The following HOMER2 variants were observed in gnomAD, a reference collection of about 807,000 sequenced individuals.
The protein encoded by HOMER2 is homer scaffold protein 2, also known as homer protein homolog 2.
A neutral mutation model predicts 47.0 loss-of-function variants in HOMER2; 27 were observed. That is an observed-to-expected ratio of 0.57 (90% CI 0.42 to 0.79). The LOEUF (loss-of-function observed/expected upper bound fraction) is 0.79. Among genes scored for constraint, HOMER2 ranks in the 30% least tolerant of loss-of-function variants. The pLI is 0.00. For synonymous variants in HOMER2, 161 were observed against 163.8 expected, an observed-to-expected ratio of 0.98 and a Z score of 0.13; for missense variants, 443 against 435.0, an observed-to-expected ratio of 1.02 and a Z score of -0.16.
intron 1 of HOMER2, among the ~76,000 whole-genome samples, chr15:82,980,315 C>T (rs1038702761): frequency 6.6e-6 from 1 of 152,076 alleles, no homozygotes; most frequent in African/African-American, 2.4e-5. Context: ...TCTCAGTCAC[C>T]CCAGGGCCAG....
intron 1 of HOMER2, among the ~76,000 whole-genome samples, chr15:82,948,583 G>A (rs2054433783): frequency 6.6e-6 from 1 of 152,110 alleles, no homozygotes; most frequent in African/African-American, 2.4e-5. Context: ...AAAAGAAAAG[G>A]GGCTGGGTTA....
chr15:82,895,893 AT>A (rs2052896224), intron 1 of HOMER2, among the ~76,000 whole-genome samples: 1 of 152,170 alleles, frequency 6.6e-6, no homozygotes, highest in Non-Finnish European at 1.5e-5. Flanking sequence ...AAGGGGCTCC[AT>A]TTTTAAGAAC....
intron 1 of HOMER2, among the ~76,000 whole-genome samples, chr15:82,940,123 C>T (rs928749717): frequency 7.2e-5 from 11 of 151,830 alleles, no homozygotes; most frequent in Non-Finnish European, 1.5e-4. Context: ...ATGTAAATGA[C>T]GAGTTAATGG....
At chr15:82,949,068 G>C (rs571194773) in intron 1 of HOMER2, among the ~76,000 whole-genome samples, 3 of 150,480 alleles carry the variant, frequency 2.0e-5, no homozygotes, top group South Asian at 4.2e-4. Flanking sequence ...GAGAGGTTGG[G>C]AAGAGGACTC....
In HOMER2 at chr15:82,878,406, T is replaced by C. The variant is rs2052419297; in HGVS notation, c.163-3002A>G. Reference sequence around the variant, plus strand: ...AGGGACCTGTTCAAGGTCATAAAACTAATAAGTGGCTAAAAAGAATATAAT... The same window carrying C: ...AGGGACCTGTTCAAGGTCATAAAACCAATAAGTGGCTAAAAAGAATATAAT... On this transcript the variant is annotated intron_variant, in intron 2 of 8. Transcript: ENST00000450735. Among the ~76,000 whole-genome samples the C allele has an allele frequency of 2.0e-5, 3 of 152,162 alleles. No individual in the cohort carries two copies. The East Asian group carries it at 5.8e-4, about 29-fold the overall frequency.
intron 1 of HOMER2, among the ~76,000 whole-genome samples, chr15:82,929,229 A>C (rs2053941608): frequency 6.6e-6 from 1 of 152,202 alleles, no homozygotes. Flanking sequence ...TATACAATCC[A>C]ACAGGATCAA....
At chr15:82,844,382 C>T (rs529306414), downstream of HOMER2, 8 of 152,192 alleles carry the variant, frequency 5.3e-5, no homozygotes, top group Non-Finnish European at 1.5e-5. Context: ...TTGGAAACAA[C>T]CTAAGTATCC....
chr15:82,862,411 C>A (rs868584532), intron 4 of HOMER2, among the ~76,000 whole-genome samples: 1 of 152,172 alleles, frequency 6.6e-6, no homozygotes. Context: ...GAAGACTACT[C>A]GAGCCCAGGG....
At chr15:82,965,189 T>C (rs1017817517) in intron 1 of HOMER2, among the ~76,000 whole-genome samples, 4 of 152,082 alleles carry the variant, frequency 2.6e-5, no homozygotes, top group African/African-American at 9.7e-5. Flanking sequence ...CCGCTAACTT[T>C]TGTATTTTTT....
intron 1 of HOMER2, among the ~76,000 whole-genome samples, chr15:82,969,876 ATTAAC>A (rs1323958511): frequency 2.0e-5 from 3 of 152,256 alleles, no homozygotes; most frequent in East Asian, 3.8e-4. Flanking sequence ...ATAGAGGAAA[ATTAAC>A]TTAAATAGAA....
At chr15:82,950,441 G>T (rs986102604) in intron 1 of HOMER2, among the ~76,000 whole-genome samples, 1 of 152,078 alleles carries the variant, frequency 6.6e-6, no homozygotes. Context: ...TCGCAGCAAG[G>T]TTTTCTACTA....
At chr15:82,858,311 C>G (rs962495864) in intron 5 of HOMER2, among the ~76,000 whole-genome samples, 1 of 150,804 alleles carries the variant, frequency 6.6e-6, no homozygotes. Flanking sequence ...TTTTTTGAGA[C>G]AAGAGTCTCA....
intron 1 of HOMER2, among the ~76,000 whole-genome samples, chr15:82,982,830 A>ACTGT (rs1567082108): frequency 6.6e-6 from 1 of 152,138 alleles, no homozygotes; most frequent in Non-Finnish European, 1.5e-5. Context: ...TAGTTTTTCA[A>ACTGT]TTGTCACACT....
chr15:82,973,614 GT>G (rs1291211247), intron 1 of HOMER2, among the ~76,000 whole-genome samples: 9 of 152,256 alleles, frequency 5.9e-5, no homozygotes, highest in African/African-American at 2.2e-4. Context: ...TTTTATTTTG[GT>G]TTGGAAAACA....
chr15:82,961,640 T>C (rs775324957), intron 1 of HOMER2, among the ~76,000 whole-genome samples: 3 of 152,190 alleles, frequency 2.0e-5, no homozygotes, highest in African/African-American at 4.8e-5. Context: ...TGGCAAAATA[T>C]ACATAACAAT....
Position 82,913,901 on chromosome 15 carries a change from C to G in HOMER2, c.6-21060G>C, listed in dbSNP as rs985307003. Among the ~76,000 whole-genome samples, 3 of 152,274 alleles carry G rather than the reference C, an allele frequency of 2.0e-5. No homozygotes were observed. The highest frequency in any genetic ancestry group is 1.3e-4 in the Admixed American group (2 of 15,302). On this transcript the variant is annotated intron_variant, in intron 1 of 8. Transcript: ENST00000450735. This position sits in a 1 kb window ranked among gnomAD's most constrained non-coding sequence, Gnocchi z 4.1. Reference sequence around the variant, plus strand: ...GGTATATACCCAAAAGCATTGAAAGCAGACCCAAACAGCTACTTGTATGCC... The same window carrying G: ...GGTATATACCCAAAAGCATTGAAAGGAGACCCAAACAGCTACTTGTATGCC...
intron 1 of HOMER2, among the ~76,000 whole-genome samples, chr15:82,909,241 G>A (rs970322419): frequency 4.6e-5 from 7 of 152,184 alleles, no homozygotes; most frequent in Non-Finnish European, 1.0e-4. Flanking sequence ...TCAGGCAAAA[G>A]TTTTCTCAGC....
intron 1 of HOMER2, among the ~76,000 whole-genome samples, chr15:82,945,832 T>C (rs1043525322): frequency 1.3e-5 from 2 of 151,786 alleles, no homozygotes; most frequent in African/African-American, 4.8e-5. Flanking sequence ...TAGCCGGGTG[T>C]GGTGGCAGGC....
downstream of HOMER2, chr15:82,848,867 C>A (rs2051296027): frequency 6.6e-6 from 1 of 152,316 alleles, no homozygotes; most frequent in African/African-American, 2.4e-5. Context: ...TTGGGTTTGA[C>A]CAGACAGTGG....
Sources: allele counts gnomAD v4.1 joint callset (sites outside exome capture counted in the v4.1 genomes callset), GRCh38; gene constraint gnomAD v4.1.1; non-coding constraint Gnocchi (gnomAD v3.1); transcripts MANE v1.5; gene names NCBI Gene and HGNC (gene_info 2026-07-23, HGNC 2026-07-21).